Variants in TRPC4 observed in about 807,000 individuals in gnomAD.
TRPC4 encodes the protein short transient receptor potential channel 4.
Under a neutral mutation model 99.4 loss-of-function variants are expected in TRPC4, and 49 were observed. That is an observed-to-expected ratio of 0.49 (90% CI 0.39 to 0.63). The LOEUF is 0.63. Ranked by LOEUF, TRPC4 falls within the 20% of genes least tolerant of loss-of-function variation. The pLI, the probability that TRPC4 is intolerant of heterozygous loss-of-function variation, is 0.00. For synonymous variants in TRPC4, 454 were observed against 425.9 expected (o/e 1.07, Z -0.81); for missense variants, 898 against 1,152.9 (o/e 0.78, Z 3.20).
At chr13:37,650,578 T>C (rs1210676872) in intron 8 of TRPC4, among the ~76,000 whole-genome samples, 1 of 141,730 alleles carries the variant, frequency 7.1e-6, no homozygotes, top group Non-Finnish European at 1.5e-5. Flanking sequence ...CTCTCTCTCT[T>C]CTGTCTCTCT....
At chr13:37,837,959 G>A (rs1958612469) in intron 1 of TRPC4, among the ~76,000 whole-genome samples, 1 of 152,124 alleles carries the variant, frequency 6.6e-6, no homozygotes, top group Non-Finnish European at 1.5e-5. Context: ...TCTCACGAGG[G>A]CTGATGGTTT....
intron 1 of TRPC4, among the ~76,000 whole-genome samples, chr13:37,829,902 T>C (rs2139587561): frequency 6.6e-6 from 1 of 152,304 alleles, no homozygotes; most frequent in East Asian, 1.9e-4. Context: ...CCACATGTTA[T>C]GTTATTCCAT....
At chr13:37,804,984 A>G (rs1360551726) in intron 1 of TRPC4, among the ~76,000 whole-genome samples, 2 of 152,082 alleles carry the variant, frequency 1.3e-5, no homozygotes, top group Non-Finnish European at 1.5e-5. Context: ...TTGCCATGAT[A>G]TTCTCAAATG....
At chr13:37,755,991 A>G (rs1463089127) in intron 2 of TRPC4, among the ~76,000 whole-genome samples, 2 of 152,172 alleles carry the variant, frequency 1.3e-5, no homozygotes, top group Non-Finnish European at 2.9e-5. Flanking sequence ...CCTCAGGATT[A>G]TAAGTATAAA....
chr13:37,684,660 T>C (rs899019725), intron 4 of TRPC4, among the ~76,000 whole-genome samples: 2 of 152,068 alleles, frequency 1.3e-5, no homozygotes, highest in Non-Finnish European at 2.9e-5. Flanking sequence ...TAATATATAG[T>C]TTCGAATAAG....
At chr13:37,689,939 C>T (rs528485383) in intron 4 of TRPC4, among the ~76,000 whole-genome samples, 5 of 152,144 alleles carry the variant, frequency 3.3e-5, no homozygotes, top group Non-Finnish European at 7.4e-5. Flanking sequence ...GTGCATTCTG[C>T]CTGGAAAGTA....
In TRPC4 at chr13:37,727,132, AT is replaced by A. The variant is rs1215119708; in HGVS notation, c.897+18804del. On this transcript the variant is annotated intron_variant, in intron 3 of 10. Transcript: ENST00000379705. Reference sequence around the variant, plus strand: ...TCTACCCAACAATAACAGAATACACATTTTTCTCCAGTGAACATGGGACATT... The same window carrying A: ...TCTACCCAACAATAACAGAATACACATTTTCTCCAGTGAACATGGGACATT... Among the ~76,000 whole-genome samples the A allele has an allele frequency of 2.0e-5, 3 of 152,050 alleles. No homozygotes were observed. The East Asian group carries it at 5.8e-4, about 29-fold the overall frequency.
chr13:37,818,751 T>C (rs1427146454), intron 1 of TRPC4, among the ~76,000 whole-genome samples: 1 of 151,936 alleles, frequency 6.6e-6, no homozygotes, highest in African/African-American at 2.4e-5. Flanking sequence ...AGTTGAACAA[T>C]GAGAACACAT....
At chr13:37,800,814 T>A (rs1252672925) in intron 1 of TRPC4, among the ~76,000 whole-genome samples, 2 of 151,914 alleles carry the variant, frequency 1.3e-5, no homozygotes, top group East Asian at 3.9e-4. Flanking sequence ...TGCTATAGAC[T>A]TTATGATACA....
chr13:37,791,800 T>C (rs1223441314), intron 1 of TRPC4, among the ~76,000 whole-genome samples: 1 of 151,928 alleles, frequency 6.6e-6, no homozygotes, highest in Non-Finnish European at 1.5e-5. Flanking sequence ...AATGATAAAA[T>C]GCTAGCTATG....
At chr13:37,647,899 T>G (rs1290407951) in intron 8 of TRPC4, among the ~76,000 whole-genome samples, 1 of 152,240 alleles carries the variant, frequency 6.6e-6, no homozygotes, top group African/African-American at 2.4e-5. Flanking sequence ...CCTCTTTTAA[T>G]AATACAACCA....
In TRPC4 at chr13:37,746,245, G is replaced by T; in HGVS notation, c.589C>A (p.Leu197Ile). The T allele has an allele frequency of 3.1e-6, 5 of 1,613,842 alleles. No individual in the cohort carries two copies. Among genetic ancestry groups the T allele is most frequent in the Non-Finnish European group, 4.2e-6 (5 of 1,179,876 alleles). ...CTGGCCAAGGCCTTGTAGATGTTGA[G>T]TCTGGAGCGTGAGTGACGGAGGCTG... ...VDSLRHSRSR[L>I]NIYKALASPS... The change falls in exon 3 of 11, where the codon CTC (leucine) becomes ATC (isoleucine). Residue 197 changes from leucine (L) to isoleucine (I), a missense_variant. Physicochemically the swap from Leu to Ile is conservative, Grantham distance 5. Around this residue, in one of 3 missense-constraint regions of TRPC4, gnomAD observed 278 missense variants for 346.6 expected, o/e 0.80. Transcript: ENST00000379705.
At chr13:37,784,444 T>C (rs183876563) in intron 1 of TRPC4, among the ~76,000 whole-genome samples, 194 of 152,230 alleles carry the variant, frequency 1.3e-3, no homozygotes, top group African/African-American at 4.4e-3. Context: ...GTCCTAGTGA[T>C]AGAGATTCAT....
intron 1 of TRPC4, among the ~76,000 whole-genome samples, chr13:37,838,074 C>T (rs1425957578): frequency 6.6e-6 from 1 of 152,092 alleles, no homozygotes; most frequent in East Asian, 1.9e-4. Flanking sequence ...TTGAGGCTTC[C>T]CCAGCCACAT....
chr13:37,787,540 G>T (rs565651477), intron 1 of TRPC4, among the ~76,000 whole-genome samples: 21 of 152,026 alleles, frequency 1.4e-4, no homozygotes, highest in Admixed American at 2.6e-4. Context: ...CCTTAGGCAA[G>T]AAACAATACA....
rs1566138437 is a variant in TRPC4 at position 37,745,475 on chromosome 13, C to CGTGTATATATATATATATAT, written c.897+461_897+462insATATATATATATATATACAC. ...ATATATATATATATATATATATATA[C>CGTGTATATATATATATATAT]ACACACACACACACTTATATATACG... On this transcript the variant is annotated intron_variant, in intron 3 of 10. Coordinates refer to ENST00000379705, the MANE Select transcript of TRPC4 (RefSeq NM_016179.4). Among the ~76,000 whole-genome samples, 26 of 7,840 alleles carry CGTGTATATATATATATATAT rather than the reference C, an allele frequency of 3.3e-3. 1 individual carries two copies. The highest frequency in any genetic ancestry group is 0.012 in the South Asian group (3 of 250). The allele number at this position is 7,840 out of a possible 152,430, so 5.1% of individuals were successfully genotyped here.
chr13:37,665,735 C>T (rs950550714), intron 5 of TRPC4, among the ~76,000 whole-genome samples: 8 of 151,404 alleles, frequency 5.3e-5, no homozygotes, highest in African/African-American at 1.9e-4. Context: ...GGTTTAACAT[C>T]CAGGTCAGCT....
chr13:37,650,151 A>G (rs1438049479), intron 8 of TRPC4, among the ~76,000 whole-genome samples: 3 of 152,246 alleles, frequency 2.0e-5, no homozygotes, highest in Non-Finnish European at 4.4e-5. Context: ...CAATGAAGTT[A>G]GAGTGGTAAG....
At chr13:37,654,286 G>A (rs9603243) in intron 7 of TRPC4, among the ~76,000 whole-genome samples, 54,859 of 151,970 alleles carry the variant, frequency 0.36, 10,273 homozygotes, top group African/African-American at 0.4. Flanking sequence ...CTATAATTAC[G>A]ATTATAAAAT....
Sources: gnomAD v4.1 joint callset for allele counts (sites outside exome capture counted in the v4.1 genomes callset) on GRCh38, gnomAD v4.1.1 for gene constraint, gnomAD v4.1.1 regional missense constraint, MANE v1.5 for transcripts, NCBI Gene and HGNC (gene_info 2026-07-23, HGNC 2026-07-21) for gene names.